Variants in OOSP4A observed in about 807,000 individuals in gnomAD.
OOSP4A encodes oocyte-secreted protein 4A.
At chr11:59,967,257 A>T in intron 3 of OOSP4A, 93 bp downstream of exon 3, 1 of 393,658 alleles carries the variant, frequency 2.5e-6, no homozygotes. Flanking sequence ...CATTATGCTA[A>T]GGTTGGACAT....
At chr11:59,966,218 G>A (rs1325688470) in intron 2 of OOSP4A, among the ~76,000 whole-genome samples, 1 of 148,676 alleles carries the variant, frequency 6.7e-6, no homozygotes, top group African/African-American at 2.5e-5. Context: ...TGTAATTATA[G>A]CCTAGTTTTT....
At chr11:59,964,307 T>TC in intron 1 of OOSP4A, among the ~76,000 whole-genome samples, 1 of 152,252 alleles carries the variant, frequency 6.6e-6, no homozygotes, top group South Asian at 2.1e-4. Flanking sequence ...TCTAAGCTGA[T>TC]CTCAAGGTGC....
chr11:59,965,108 A>C (rs975099436), intron 1 of OOSP4A, among the ~76,000 whole-genome samples: 4 of 127,082 alleles, frequency 3.1e-5, no homozygotes, highest in African/African-American at 1.2e-4. Context: ...ACATGGAGAC[A>C]GGAAGGGGAA....
At chr11:59,968,824 G>T (rs1854128769) in intron 3 of OOSP4A, among the ~76,000 whole-genome samples, 1 of 152,184 alleles carries the variant, frequency 6.6e-6, no homozygotes, top group African/African-American at 2.4e-5. Context: ...ATCATTCTCT[G>T]TAGATGTCTG....
At chr11:59,964,518 T>G (rs1243742948) in intron 1 of OOSP4A, among the ~76,000 whole-genome samples, 1 of 152,236 alleles carries the variant, frequency 6.6e-6, no homozygotes, top group African/African-American at 2.4e-5. Context: ...AGTAGTCAGC[T>G]GTATTCAATT....
chr11:59,967,875 A>G (rs1206911712), intron 3 of OOSP4A, among the ~76,000 whole-genome samples: 1 of 152,040 alleles, frequency 6.6e-6, no homozygotes, highest in Non-Finnish European at 1.5e-5. Context: ...ATTCCAACCA[A>G]TTTTGAAGGT....
chr11:59,969,139 C>T lies in OOSP4A; in HGVS notation c.345-11C>T, dbSNP rs554879470. 1.7e-3 allele frequency: 684 copies of T among 398,422 alleles called. 1 individual carries two copies. The highest frequency in any genetic ancestry group is 2.4e-3 in the Non-Finnish European group (535 of 225,736). The allele number at this position is 398,422 out of a possible 1,614,324, so 24.7% of individuals were successfully genotyped here. A position where few individuals can be genotyped will look rare whatever the true frequency, so the allele number is the denominator to read the frequency against. The stretch of plus-strand genomic sequence containing the variant: ...ATACAAAGCTTAAATATATTTTTTT[C>T]TCTTTTTCAGAAGGTTTCCAATAAT... On this transcript the variant is annotated splice_polypyrimidine_tract_variant and intron_variant, in intron 3 of 4. Transcript: ENST00000645590.
chr11:59,970,212 T>C (rs1368054478), downstream of OOSP4A: 3 of 396,308 alleles, frequency 7.6e-6, no homozygotes, highest in African/African-American at 4.1e-5. Context: ...ATATTGTCTT[T>C]TATCATTTCA....
intron 3 of OOSP4A, among the ~76,000 whole-genome samples, chr11:59,968,863 C>T (rs1408153171): frequency 6.6e-6 from 1 of 152,214 alleles, no homozygotes; most frequent in Non-Finnish European, 1.5e-5. Context: ...AGAGCTGCTT[C>T]AGCCACTTAT....
chr11:59,969,744 C>T (rs61903602), intron 4 of OOSP4A, among the ~76,000 whole-genome samples: 56 of 152,198 alleles, frequency 3.7e-4, no homozygotes, highest in Non-Finnish European at 6.5e-4. Context: ...AGGGACAGGC[C>T]CTTATTCCAC....
intron 3 of OOSP4A, among the ~76,000 whole-genome samples, chr11:59,968,839 G>T (rs1854128903): frequency 6.6e-6 from 1 of 152,202 alleles, no homozygotes; most frequent in African/African-American, 2.4e-5. Context: ...TGTCTGTTGA[G>T]ATGATTAGAG....
At chr11:59,964,350 AT>A (rs1470706357) in intron 1 of OOSP4A, among the ~76,000 whole-genome samples, 1 of 151,820 alleles carries the variant, frequency 6.6e-6, no homozygotes, top group Non-Finnish European at 1.5e-5. Flanking sequence ...CATGCAAAAT[AT>A]TTCCAGGTTC....
intron 3 of OOSP4A, among the ~76,000 whole-genome samples, chr11:59,968,242 T>G (rs1043530113): frequency 1.3e-5 from 2 of 152,186 alleles, no homozygotes; most frequent in African/African-American, 4.8e-5. Flanking sequence ...TGTGGTCCAT[T>G]TCCAGCAATG....
At chr11:59,966,241 C>T (rs1465753780) in intron 2 of OOSP4A, among the ~76,000 whole-genome samples, 1 of 149,280 alleles carries the variant, frequency 6.7e-6, no homozygotes, top group Non-Finnish European at 1.5e-5. Context: ...TTTTTGGTAT[C>T]ACATCTATTT....
intron 1 of OOSP4A, 49 bp downstream of exon 1, chr11:59,964,148 CTTTTTTT>C (rs397848906): frequency 2.3e-5 from 7 of 310,650 alleles, no homozygotes; most frequent in East Asian, 1.7e-4. Context: ...ATCAGCAGGG[CTTTTTTT>C]TTTTTTTTTT....
chr11:59,964,450 A>T lies in OOSP4A; in HGVS notation c.67+351A>T, dbSNP rs200550034. 5.3e-5 allele frequency among the ~76,000 whole-genome samples: 8 copies of T among 152,216 alleles called. No homozygotes were observed. The East Asian group carries it at 1.5e-3, about 29-fold the overall frequency. ...ATCAGGAGAGACTGCCCAGTGCCTA[A>T]GAGAGGAGGTTACCTAGGTCTACAT... On this transcript the variant is annotated intron_variant, in intron 1 of 4. Transcript: ENST00000645590.
intron 2 of OOSP4A, among the ~76,000 whole-genome samples, chr11:59,966,771 G>T (rs1215814119): frequency 6.6e-6 from 1 of 152,054 alleles, no homozygotes; most frequent in African/African-American, 2.4e-5. Flanking sequence ...AACGTGCCTG[G>T]CCCAGACCTT....
At chr11:59,966,707 C>A (rs1026853905) in intron 2 of OOSP4A, among the ~76,000 whole-genome samples, 4 of 152,118 alleles carry the variant, frequency 2.6e-5, no homozygotes, top group African/African-American at 9.7e-5. Context: ...ATCTCTTGAC[C>A]TAGTGATCTG....
intron 2 of OOSP4A, among the ~76,000 whole-genome samples, chr11:59,966,339 CA>C (rs554017860): frequency 2.4e-3 from 341 of 141,518 alleles, no homozygotes; most frequent in African/African-American, 2.9e-3. Context: ...TCTCTAGTCT[CA>C]AAAAAAAAAA....
Sources: gnomAD v4.1 joint callset for allele counts (sites outside exome capture counted in the v4.1 genomes callset) on GRCh38, gnomAD v4.1.1 for gene constraint, MANE v1.5 for transcripts, NCBI Gene and HGNC (gene_info 2026-07-23, HGNC 2026-07-21) for gene names.